The following GPR158 variants were observed in gnomAD, a reference collection of about 807,000 sequenced individuals.
GPR158 encodes G protein-coupled receptor 158, also known as metabotropic glycine receptor.
Under a neutral mutation model 78.2 loss-of-function variants are expected in GPR158, and 30 were observed. The observed-to-expected ratio is 0.38, with a 90% CI of 0.29 to 0.52. The LOEUF is 0.52. GPR158 is among the 20% of genes least tolerant of loss of function. GPR158 has a pLI of 0.83. For missense variants in GPR158, 1,463 were observed against 1,523.5 expected (o/e 0.96, Z 0.66); for synonymous variants, 581 against 591.1 (o/e 0.98, Z 0.25).
At chr10:25,514,418 G>C (rs146532591) in intron 5 of GPR158, among the ~76,000 whole-genome samples, 1 of 151,938 alleles carries the variant, frequency 6.6e-6, no homozygotes, top group African/African-American at 2.4e-5. Context: ...GGTGAGTCTC[G>C]TGAGTCTCTT....
intron 2 of GPR158, among the ~76,000 whole-genome samples, chr10:25,309,032 T>C (rs1854724656): frequency 1.3e-5 from 2 of 152,234 alleles, no homozygotes; most frequent in African/African-American, 4.8e-5. Flanking sequence ...CAGATATTTC[T>C]TTATGAGCCT....
At chr10:25,283,293 A>G (rs1162160745) in intron 2 of GPR158, among the ~76,000 whole-genome samples, 3 of 151,972 alleles carry the variant, frequency 2.0e-5, no homozygotes, top group Non-Finnish European at 2.9e-5. Context: ...AGAATTTTTC[A>G]TAGTATTTTC....
intron 5 of GPR158, among the ~76,000 whole-genome samples, chr10:25,517,270 G>A (rs1159734107): frequency 1.3e-5 from 2 of 150,426 alleles, no homozygotes; most frequent in Non-Finnish European, 2.9e-5. Flanking sequence ...GGAGATTTTG[G>A]GCTGAGACAA....
At chr10:25,471,009 G>A (rs550460292) in intron 5 of GPR158, among the ~76,000 whole-genome samples, 3 of 151,908 alleles carry the variant, frequency 2.0e-5, no homozygotes, top group African/African-American at 7.2e-5. Context: ...TGCACAATGT[G>A]CAGGATTGTT....
intron 2 of GPR158, among the ~76,000 whole-genome samples, chr10:25,353,470 G>A (rs1855502570): frequency 6.7e-6 from 1 of 149,276 alleles, no homozygotes; most frequent in African/African-American, 2.5e-5. Context: ...AAAACTTAAA[G>A]TATAATAATA....
intron 2 of GPR158, among the ~76,000 whole-genome samples, chr10:25,285,378 G>C (rs371361076): frequency 6.6e-6 from 1 of 152,054 alleles, no homozygotes; most frequent in East Asian, 1.9e-4. Flanking sequence ...GATTATGGAG[G>C]CCTCAGCCTC....
chr10:25,222,172 C>T (rs1853307655), intron 2 of GPR158, among the ~76,000 whole-genome samples: 1 of 151,986 alleles, frequency 6.6e-6, no homozygotes, highest in South Asian at 2.1e-4. Flanking sequence ...ACACCCACCA[C>T]GCATACTCCT....
intron 4 of GPR158, among the ~76,000 whole-genome samples, chr10:25,458,153 AAC>A (rs1327982890): frequency 4.6e-5 from 7 of 152,158 alleles, no homozygotes; most frequent in Non-Finnish European, 1.0e-4. Context: ...GGTCTTATTA[AAC>A]TGTTCACCTA....
chr10:25,571,580 G>A (rs1342279009), intron 6 of GPR158, among the ~76,000 whole-genome samples: 2 of 152,156 alleles, frequency 1.3e-5, no homozygotes, highest in African/African-American at 2.4e-5. Flanking sequence ...TACTCTCACA[G>A]TATCATAAAC....
rs187845415 is a variant in GPR158 at position 25,456,170 on chromosome 10, G to T, written c.1336-10481G>T. ...ACTGCTTCCTCTTCTTGCAAATAGGGGGCATCTGTTACACCTTATTAAATC... is the reference window on the plus strand; with the variant it reads ...ACTGCTTCCTCTTCTTGCAAATAGGTGGCATCTGTTACACCTTATTAAATC... On this transcript the variant is annotated intron_variant, in intron 4 of 10. Transcript: ENST00000376351. Among the ~76,000 whole-genome samples the T allele has an allele frequency of 7.5e-4, 114 of 152,140 alleles. 2 individuals are homozygous for T. In the East Asian group the frequency reaches 0.019, roughly 25 times the overall value.
At chr10:25,193,299 G>A (rs1181935975) in intron 1 of GPR158, among the ~76,000 whole-genome samples, 2 of 152,178 alleles carry the variant, frequency 1.3e-5, no homozygotes, top group African/African-American at 2.4e-5. Context: ...TGGCTGAGGG[G>A]TAGGGTAGAA....
chr10:25,319,235 T>C (rs1351275746), intron 2 of GPR158, among the ~76,000 whole-genome samples: 2 of 152,160 alleles, frequency 1.3e-5, no homozygotes, highest in African/African-American at 4.8e-5. Context: ...ACCTCTAATC[T>C]AGAGTAGTTA....
chr10:25,282,468 T>C (rs2130755193), intron 2 of GPR158, among the ~76,000 whole-genome samples: 1 of 152,226 alleles, frequency 6.6e-6, no homozygotes, highest in East Asian at 1.9e-4. Flanking sequence ...TCAACATAAG[T>C]TTTTATTTCT....
In GPR158 at chr10:25,598,218, C is replaced by G; in HGVS notation, c.2592C>G (p.Asp864Glu). The G allele has an allele frequency of 1.2e-6, 2 of 1,614,078 alleles. No homozygotes were observed. Among genetic ancestry groups the G allele is most frequent in the South Asian group, 1.1e-5 (1 of 91,074 alleles). Reference sequence around the variant, plus strand: ...AACTAACACAAAAACTAAAAGAAGACAGCGAGGCTGAGTCCACGGAGTCGG... The same window carrying G: ...AACTAACACAAAAACTAAAAGAAGAGAGCGAGGCTGAGTCCACGGAGTCGG... ...GKKLTQKLKEDSEAESTESVP... is the reference protein window; with the variant it reads ...GKKLTQKLKEESEAESTESVP... Residue 864 changes from aspartate (D) to glutamate (E), a missense_variant, in exon 11 of 11, where the codon GAC (aspartate) becomes GAG (glutamate). Asp to Glu is a conservative substitution (Grantham distance 45). Coordinates refer to ENST00000376351, the MANE Select transcript of GPR158 (RefSeq NM_020752.3).
intron 2 of GPR158, among the ~76,000 whole-genome samples, chr10:25,283,559 A>G (rs12263407): frequency 0.049 from 7,374 of 151,956 alleles, 618 homozygotes; most frequent in African/African-American, 0.17. Flanking sequence ...AATCTTTTAA[A>G]ATAACTCGCT....
intron 2 of GPR158, among the ~76,000 whole-genome samples, chr10:25,333,283 A>G (rs1032414466): frequency 2.0e-5 from 3 of 152,128 alleles, no homozygotes; most frequent in Non-Finnish European, 2.9e-5. Flanking sequence ...ATTTTTACCT[A>G]TTCTTTATTA....
intron 5 of GPR158, among the ~76,000 whole-genome samples, chr10:25,481,752 T>C (rs1280935429): frequency 6.6e-6 from 1 of 152,126 alleles, no homozygotes; most frequent in Non-Finnish European, 1.5e-5. Flanking sequence ...CAATGCAGAG[T>C]GTTTCAACTT....
intron 2 of GPR158, among the ~76,000 whole-genome samples, chr10:25,297,660 G>T (rs948239164): frequency 1.3e-5 from 2 of 152,180 alleles, no homozygotes; most frequent in Non-Finnish European, 2.9e-5. Flanking sequence ...GGAGATTAAA[G>T]ACGCAGGTGA....
chr10:25,481,696 G>A lies in GPR158; in HGVS notation c.1404+14977G>A, dbSNP rs141652442. ...TCTATGTTTAACTTTTTGAGAAATC[G>A]CCAAACTCTTTTCCAAAGTGGCTGC... On this transcript the variant is annotated intron_variant, in intron 5 of 10. Coordinates refer to ENST00000376351, the MANE Select transcript of GPR158 (RefSeq NM_020752.3). Among the ~76,000 whole-genome samples the A allele has an allele frequency of 4.5e-3, 688 of 152,122 alleles. 3 individuals are homozygous for A. The highest frequency in any genetic ancestry group is 0.02 in the Middle Eastern group (6 of 294).
Sources: allele counts gnomAD v4.1 joint callset (sites outside exome capture counted in the v4.1 genomes callset), GRCh38; gene constraint gnomAD v4.1.1; transcripts MANE v1.5; gene names NCBI Gene and HGNC (gene_info 2026-07-23, HGNC 2026-07-21).